Variants in PALM2AKAP2 observed in about 807,000 individuals in gnomAD.
PALM2AKAP2 encodes the protein PALM2-AKAP2 fusion protein.
A neutral mutation model predicts 71.5 loss-of-function variants in PALM2AKAP2; 37 were observed. That is an observed-to-expected ratio of 0.52 (90% CI 0.40 to 0.68). The LOEUF (loss-of-function observed/expected upper bound fraction) is 0.68. Among genes scored for constraint, PALM2AKAP2 ranks in the 30% least tolerant of loss-of-function variants. PALM2AKAP2 has a pLI of 0.00. For synonymous variants in PALM2AKAP2, 468 were observed against 478.8 expected (o/e 0.98, Z 0.29); for missense variants, 1,224 against 1,191.8 (o/e 1.03, Z -0.40).
At chr9:109,869,137 A>G (rs1438631212) in intron 2 of PALM2AKAP2, among the ~76,000 whole-genome samples, 1 of 152,188 alleles carries the variant, frequency 6.6e-6, no homozygotes, top group East Asian at 1.9e-4. Context: ...TTTAAGCTCA[A>G]CGTAGTTCTT....
At chr9:110,001,852 G>A (rs1832687281) in intron 6 of PALM2AKAP2, among the ~76,000 whole-genome samples, 1 of 152,012 alleles carries the variant, frequency 6.6e-6, no homozygotes, top group Admixed American at 6.5e-5. Context: ...TGTGAATTTT[G>A]CACATTGATT....
rs148408547 is a variant in PALM2AKAP2, at chr9:109,708,071, A to C, written c.5+67205A>C. ...AGGTCCCACTCCTCTCCCTCCCTCC[A>C]CTATCTTTCTTCTTTAAATCGCTGT... On this transcript the variant is annotated intron_variant, in intron 1 of 6. Transcript: ENST00000374531. Among the ~76,000 whole-genome samples the C allele has an allele frequency of 3.4e-4, 51 of 151,948 alleles. 1 individual carries two copies. In the East Asian group the frequency reaches 9.3e-3, roughly 28 times the overall value.
At chr9:109,992,463 G>T (rs538221640) in intron 6 of PALM2AKAP2, among the ~76,000 whole-genome samples, 1 of 151,908 alleles carries the variant, frequency 6.6e-6, no homozygotes, top group Non-Finnish European at 1.5e-5. Flanking sequence ...TACTTCTGTC[G>T]CCCAGGCTGG....
chr9:109,993,154 C>T (rs1265182799), intron 6 of PALM2AKAP2, among the ~76,000 whole-genome samples: 1 of 145,728 alleles, frequency 6.9e-6, no homozygotes, highest in Non-Finnish European at 1.5e-5. Context: ...CTTTTGGTCA[C>T]ACATGACAGA....
chr9:109,711,587 G>C (rs1159276441), intron 1 of PALM2AKAP2, among the ~76,000 whole-genome samples: 2 of 152,238 alleles, frequency 1.3e-5, no homozygotes, highest in Non-Finnish European at 2.9e-5. Flanking sequence ...CCCAAGGCTG[G>C]TCCTGAGTGT....
chr9:110,128,731 G>A (rs1835671002), intron 1 of PALM2AKAP2, among the ~76,000 whole-genome samples: 1 of 152,248 alleles, frequency 6.6e-6, no homozygotes, highest in African/African-American at 2.4e-5. Flanking sequence ...TGGTGGGGCA[G>A]AGGGGAGGCT....
rs530643142 is a variant in PALM2AKAP2 at position 109,721,091 on chromosome 9, C to T, written c.6-59397C>T. ...CATCACACCAACTCATAGCTTTGGC[C>T]CTGGTGCTGTATTTGACTTTTATTC... On this transcript the variant is annotated intron_variant, in intron 1 of 6. Coordinates refer to the PALM2AKAP2 transcript ENST00000374531. Among the ~76,000 whole-genome samples, 4 of 152,260 alleles carry T rather than the reference C, an allele frequency of 2.6e-5. No homozygotes were observed. In the East Asian group the frequency reaches 7.7e-4, roughly 29 times the overall value.
At chr9:109,868,001 A>G (rs1163554237) in intron 2 of PALM2AKAP2, among the ~76,000 whole-genome samples, 2 of 152,152 alleles carry the variant, frequency 1.3e-5, no homozygotes, top group Non-Finnish European at 2.9e-5. Context: ...TCCTTTCTTG[A>G]TATGGAGAAA....
intron 1 of PALM2AKAP2, among the ~76,000 whole-genome samples, chr9:110,116,326 G>A (rs1429536382): frequency 6.6e-6 from 1 of 151,934 alleles, no homozygotes; most frequent in Non-Finnish European, 1.5e-5. Context: ...AATACTAAAA[G>A]AAAAAATGGG....
At chr9:109,831,482 A>G (rs939796911) in intron 1 of PALM2AKAP2, among the ~76,000 whole-genome samples, 1 of 152,184 alleles carries the variant, frequency 6.6e-6, no homozygotes, top group Non-Finnish European at 1.5e-5. Flanking sequence ...CTATTCAGTG[A>G]AGCCAGATAA....
intron 6 of PALM2AKAP2, among the ~76,000 whole-genome samples, chr9:109,989,117 A>C (rs1031978184): frequency 2.0e-5 from 3 of 152,200 alleles, no homozygotes; most frequent in Non-Finnish European, 4.4e-5. Flanking sequence ...AAAACAGACT[A>C]ATACAGATGT....
intron 3 of PALM2AKAP2, among the ~76,000 whole-genome samples, chr9:110,158,596 C>T (rs1330750738): frequency 1.3e-5 from 2 of 152,180 alleles, no homozygotes; most frequent in African/African-American, 2.4e-5. Context: ...TTGAGTTTTT[C>T]CTCTGCATGA....
In PALM2AKAP2 at chr9:110,106,990, A is replaced by T. The variant is rs901396958; in HGVS notation, c.157-29137A>T. On this transcript the variant is annotated intron_variant, in intron 1 of 3. Transcript: ENST00000374525. ...GGAAGATAAGTCATCAATTAGCCCG[A>T]TGGAAGGTTAAGCTGAAAACAGACT... Among the ~76,000 whole-genome samples the T allele has an allele frequency of 4.6e-5, 7 of 152,292 alleles. No individual in the cohort carries two copies. The East Asian group carries it at 1.4e-3, about 29-fold the overall frequency.
chr9:109,879,918 CA>C (rs1829808785), intron 2 of PALM2AKAP2, among the ~76,000 whole-genome samples: 1 of 152,064 alleles, frequency 6.6e-6, no homozygotes. Context: ...AGCTGGTCTA[CA>C]ACTCCTGGAA....
chr9:109,812,274 G>A (rs1827745062), intron 1 of PALM2AKAP2, among the ~76,000 whole-genome samples: 1 of 152,102 alleles, frequency 6.6e-6, no homozygotes, highest in African/African-American at 2.4e-5. Context: ...CATGAGGGAG[G>A]GACAACATGG....
At chr9:109,777,103 A>AT, upstream of PALM2AKAP2, among the ~76,000 whole-genome samples, 1 of 152,038 alleles carries the variant, frequency 6.6e-6, no homozygotes, top group Non-Finnish European at 1.5e-5. Context: ...AACGATTTCT[A>AT]TTTTTCTGAA....
At chr9:110,137,365 C>A in exon 2 of PALM2AKAP2, 2 of 1,614,158 alleles carry the variant, frequency 1.2e-6, no homozygotes, top group Non-Finnish European at 1.7e-6. Context: ...CACCTTCTGT[C>A]GGGGGACCTC....
At chr9:110,157,139 G>A (rs566214761) in intron 3 of PALM2AKAP2, among the ~76,000 whole-genome samples, 6 of 152,200 alleles carry the variant, frequency 3.9e-5, no homozygotes, top group Admixed American at 1.3e-4. Flanking sequence ...TTCTTTCTCC[G>A]GTTAGAGACA....
intron 6 of PALM2AKAP2, among the ~76,000 whole-genome samples, chr9:109,964,796 C>T (rs1428376111): frequency 2.0e-5 from 3 of 152,172 alleles, no homozygotes; most frequent in Admixed American, 2.0e-4. Context: ...GCAAATAACT[C>T]TCAGGCCATG....
Sources: allele counts gnomAD v4.1 joint callset (sites outside exome capture counted in the v4.1 genomes callset), GRCh38; gene constraint gnomAD v4.1.1; transcripts MANE v1.5; gene names NCBI Gene and HGNC (gene_info 2026-07-23, HGNC 2026-07-21).